The following PPP1R10 variants were observed in gnomAD, a reference collection of about 807,000 sequenced individuals.
The protein encoded by PPP1R10 is protein phosphatase 1 regulatory subunit 10, also known as serine/threonine-protein phosphatase 1 regulatory subunit 10.
Under a neutral mutation model 99.0 loss-of-function variants are expected in PPP1R10, and 15 were observed. That is an observed-to-expected ratio of 0.15 (90% CI 0.10 to 0.23). The LOEUF is 0.23. Ranked by LOEUF, PPP1R10 falls within the 10% of genes least tolerant of loss-of-function variation. PPP1R10 has a pLI of 1.00. For missense variants in PPP1R10, 947 were observed against 1,259.4 expected, an observed-to-expected ratio of 0.75 and a Z score of 3.75; for synonymous variants, 430 against 449.5, an observed-to-expected ratio of 0.96 and a Z score of 0.55.
In PPP1R10 at chr6:30,603,637, A is replaced by T; in HGVS notation, c.1602T>A (p.Val534=). ...CTGACCCCCCAGGTTCCAGAGTCTCAACATACGGAGTCTCATCCATGGAAC... is the reference window on the plus strand; with the variant it reads ...CTGACCCCCCAGGTTCCAGAGTCTCTACATACGGAGTCTCATCCATGGAAC... ...EECSMDETPY[V]ETLEPGGSGG... The change falls in exon 16 of 20, where the codon GTT becomes GTA. Residue 534 remains valine (V), a synonymous_variant. Transcript: ENST00000376511. 6.2e-7 allele frequency: 1 copy of T among 1,610,724 alleles called. No homozygotes were observed. Among genetic ancestry groups the T allele is most frequent in the Non-Finnish European group, 8.5e-7 (1 of 1,178,886 alleles).
intron 2 of PPP1R10, among the ~76,000 whole-genome samples, chr6:30,613,729 C>A (rs1159991963): frequency 6.6e-6 from 1 of 152,192 alleles, no homozygotes; most frequent in Non-Finnish European, 1.5e-5. Context: ...GTAGACCTGG[C>A]TTCCCATCTC....
chr6:30,602,371 C>T lies in PPP1R10; in HGVS notation c.2278G>A (p.Gly760Ser), dbSNP rs1289237625. 1.9e-6 allele frequency: 3 copies of T among 1,612,768 alleles called. No individual in the cohort carries two copies. The highest frequency in any genetic ancestry group is 2.5e-6 in the Non-Finnish European group (3 of 1,179,888). Residue 760 changes from glycine (G) to serine (S), a missense_variant, in exon 19 of 20, where the codon GGC (glycine) becomes AGC (serine). Gly to Ser is a moderately conservative substitution (Grantham distance 56). Around this residue, in one of 10 missense-constraint regions of PPP1R10, gnomAD observed 525 missense variants for 578.8 expected, o/e 0.91. Transcript: ENST00000376511. The surrounding 1 kb of genome is among the most constrained non-coding windows in gnomAD (Gnocchi z 6.7). ...GHRPHEGPGG[G>S]MGNSSGHRPH... ...CGATGTCCACTGCTGTTGCCCATGC[C>T]CCCACCAGGGCCTTCGTGAGGACGA...
In PPP1R10 at chr6:30,600,651, G is replaced by C. The variant is rs1370861884; in HGVS notation, c.*898C>G. 1 of 152,708 alleles carries C rather than the reference G, an allele frequency of 6.5e-6. No homozygotes were observed. The highest frequency in any genetic ancestry group is 2.1e-4 in the South Asian group (1 of 4,824). The allele number at this position is 152,708 out of a possible 1,614,324, so 9.5% of individuals were successfully genotyped here. A position where few individuals can be genotyped will look rare whatever the true frequency, so the allele number is the denominator to read the frequency against. Reference sequence around the variant, plus strand: ...GGGATTCAGAGGTGGTTGACAGGGTGAAGTACCTGGAAGCCTCCTTCACGC... The same window carrying C: ...GGGATTCAGAGGTGGTTGACAGGGTCAAGTACCTGGAAGCCTCCTTCACGC... On this transcript the variant is annotated 3_prime_UTR_variant, in exon 20 of 20. Transcript: ENST00000376511.
intron 19 of PPP1R10, 118 bp from the exon 20 acceptor site, chr6:30,601,776 G>C (rs1024758446): frequency 4.7e-5 from 62 of 1,328,438 alleles, no homozygotes; most frequent in Non-Finnish European, 6.1e-5. Flanking sequence ...TGGGGATTTG[G>C]GGGAAGGGCA....
intron 6 of PPP1R10, 30 bp downstream of exon 6, chr6:30,607,810 G>A: frequency 6.3e-7 from 1 of 1,598,528 alleles, no homozygotes; most frequent in Non-Finnish European, 8.6e-7. Flanking sequence ...ATAGAGAAAA[G>A]CCCATGAGAG....
At position 30,602,354 on chromosome 6, in the gene PPP1R10, ACTG is replaced by A; in HGVS notation, c.2292_2294del (p.Ser765del). ...CAGGGCCTTCGTGGGGACGATGTCC[ACTG>A]CTGTTGCCCATGCCCCCACCAGGGC... is the stretch of plus-strand genomic sequence containing the variant. On this transcript the variant is annotated inframe_deletion, in exon 19 of 20. Coordinates refer to ENST00000376511, the MANE Select transcript of PPP1R10 (RefSeq NM_002714.4). This position sits in a 1 kb window ranked among gnomAD's most constrained non-coding sequence, Gnocchi z 6.7. The A allele has an allele frequency of 2.5e-6, 4 of 1,612,300 alleles. No homozygotes were observed. The highest frequency in any genetic ancestry group is 3.4e-6 in the Non-Finnish European group (4 of 1,179,762).
At position 30,606,320 on chromosome 6, in the gene PPP1R10, A is replaced by G. The variant is rs1349714111; in HGVS notation, c.635-77T>C. 7.6e-6 allele frequency: 12 copies of G among 1,577,662 alleles called. No individual in the cohort carries two copies. Among genetic ancestry groups the G allele is most frequent in the South Asian group, 1.1e-5 (1 of 89,060 alleles). On this transcript the variant is annotated intron_variant, in intron 8 of 19. Transcript: ENST00000376511. This position sits in a 1 kb window ranked among gnomAD's most constrained non-coding sequence, Gnocchi z 6.3. ...AATTTTCCTCCCGTTCTCACCCGCA[A>G]ATGTTCTTCTAGCCTTGTAACCAAA...
rs747277207 is a variant in PPP1R10, at chr6:30,602,321, GCCA to G, written c.2325_2327del (p.Gly776del). On this transcript the variant is annotated inframe_deletion, in exon 19 of 20. Coordinates refer to ENST00000376511, the MANE Select transcript of PPP1R10 (RefSeq NM_002714.4). The surrounding 1 kb of genome is among the most constrained non-coding windows in gnomAD (Gnocchi z 6.7). ...CATGGGGGCGATGCCCACTTCCCAT[GCCA>G]CCGCCAGGGCCTTCGTGGGGACGAT... is the stretch of plus-strand genomic sequence containing the variant. The G allele has an allele frequency of 1.9e-6, 3 of 1,610,674 alleles. No homozygotes were observed. Among genetic ancestry groups the G allele is most frequent in the Non-Finnish European group, 1.7e-6 (2 of 1,179,284 alleles).
Position 30,604,415 on chromosome 6 carries a change from G to C in PPP1R10, c.1199C>G (p.Thr400Arg). The C allele has an allele frequency of 1.2e-6, 2 of 1,613,696 alleles. No individual in the cohort carries two copies. The highest frequency in any genetic ancestry group is 1.7e-6 in the Non-Finnish European group (2 of 1,180,024). ...TRKGRKRKSV[T>R]WPEEGKLREY... The stretch of plus-strand genomic sequence containing the variant: ...TCTCAGTTTGCCTTCCTCAGGCCAT[G>C]TCACACTTTTCCTCTTCCTGCCTTT... The change falls in exon 13 of 20, where the codon ACA (threonine) becomes AGA (arginine). Residue 400 changes from threonine to arginine, a missense_variant. By Grantham distance (71) the Thr-to-Arg change is moderately conservative. This residue lies in a region of PPP1R10 where 100 missense variants were observed against 105.8 expected (regional missense o/e 0.94). Coordinates refer to ENST00000376511, the MANE Select transcript of PPP1R10 (RefSeq NM_002714.4). The surrounding 1 kb of genome is among the most constrained non-coding windows in gnomAD (Gnocchi z 7.3).
intron 10 of PPP1R10, among the ~76,000 whole-genome samples, chr6:30,605,338 G>A (rs964673896): frequency 1.3e-5 from 2 of 152,082 alleles, no homozygotes; most frequent in Non-Finnish European, 2.9e-5. Flanking sequence ...GGTAGCTGAC[G>A]AAGTGAGCCC....
Position 30,606,506 on chromosome 6 carries a change from C to A in PPP1R10, c.596G>T (p.Arg199Leu). Residue 199 changes from arginine (R) to leucine (L), a missense_variant, in exon 8 of 20, where the codon CGC (arginine) becomes CTC (leucine). Coordinates refer to ENST00000376511, the MANE Select transcript of PPP1R10 (RefSeq NM_002714.4). This position sits in a 1 kb window ranked among gnomAD's most constrained non-coding sequence, Gnocchi z 6.3. ...EKKREKPKSL[R>L]TTAPSHAKFR... is the part of the protein sequence containing the mutation. ...CTTGGCATGACTGGGTGCTGTGGTGCGAAGAGACTTGGGCTTCTCCCTCTT... is the reference window on the plus strand; with the variant it reads ...CTTGGCATGACTGGGTGCTGTGGTGAGAAGAGACTTGGGCTTCTCCCTCTT... 6.2e-7 allele frequency: 1 copy of A among 1,613,566 alleles called. No individual in the cohort carries two copies. Among genetic ancestry groups the A allele is most frequent in the Non-Finnish European group, 8.5e-7 (1 of 1,180,020 alleles).
Position 30,609,261 on chromosome 6 carries a change from T to A in PPP1R10, c.108-98A>T. 8.9e-7 allele frequency: 1 copy of A among 1,129,406 alleles called. No individual in the cohort carries two copies. Among genetic ancestry groups the A allele is most frequent in the Non-Finnish European group, 1.3e-6 (1 of 761,524 alleles). The allele number at this position is 1,129,406 out of a possible 1,614,324, so 70.0% of individuals were successfully genotyped here. ...AACTGCCTAGAGATTCCTAATGACT[T>A]GGGACTTTGCTCCAGAGAAGGGGAG... On this transcript the variant is annotated intron_variant, in intron 3 of 19. Coordinates refer to ENST00000376511, the MANE Select transcript of PPP1R10 (RefSeq NM_002714.4). This position sits in a 1 kb window ranked among gnomAD's most constrained non-coding sequence, Gnocchi z 4.5.
intron 6 of PPP1R10, among the ~76,000 whole-genome samples, chr6:30,607,155 G>A (rs1419678178): frequency 1.3e-5 from 2 of 152,134 alleles, no homozygotes; most frequent in Admixed American, 6.5e-5. Flanking sequence ...AAGACTACAC[G>A]TTGGGTGCAG....
intron 5 of PPP1R10, among the ~76,000 whole-genome samples, chr6:30,608,378 A>T (rs58525263): frequency 0.044 from 6,648 of 150,262 alleles, 270 homozygotes; most frequent in African/African-American, 0.11. Context: ...CTCGGCTCAC[A>T]ATAACCTCCA....
rs554755706 is a variant in PPP1R10, at chr6:30,602,175, G to A, written c.2474C>T (p.Ala825Val). ...PHEGPGGGMG[A>V]GGGHRPHEGP... is the part of the protein sequence containing the mutation. ...TTCGTGGGGGCGATGTCCACCACCG[G>A]CACCCATTCCTCCGCCAGGGCCTTC... Residue 825 changes from alanine to valine, a missense_variant, in exon 19 of 20, where the codon GCC becomes GTC. By Grantham distance (64) the Ala-to-Val change is moderately conservative (BLOSUM62 0). Coordinates refer to ENST00000376511, the MANE Select transcript of PPP1R10 (RefSeq NM_002714.4). This position sits in a 1 kb window ranked among gnomAD's most constrained non-coding sequence, Gnocchi z 6.7. 2.5e-6 allele frequency: 4 copies of A among 1,597,728 alleles called. No homozygotes were observed. The South Asian group carries it at 3.3e-5, about 13-fold the overall frequency.
rs752390341 is a variant in PPP1R10 at position 30,609,895 on chromosome 6, C to T, written c.50G>A (p.Ser17Asn). ...GACTTCCCCATCTCGGTTAAGGAAG[C>T]TGTCCAGGCCCTTGAGAAGTTCTTT... is the stretch of plus-strand genomic sequence containing the variant. The part of the protein sequence containing the change: ...DPKELLKGLD[S>N]FLNRDGEVKS... The change falls in exon 3 of 20, where the codon AGC becomes AAC. Residue 17 changes from serine (S) to asparagine (N), a missense_variant. Physicochemically the swap from Ser to Asn is conservative, Grantham distance 46 (BLOSUM62 1). Coordinates refer to ENST00000376511, the MANE Select transcript of PPP1R10 (RefSeq NM_002714.4). The surrounding 1 kb of genome is among the most constrained non-coding windows in gnomAD (Gnocchi z 4.5). 6.8e-6 allele frequency: 11 copies of T among 1,614,178 alleles called. No individual in the cohort carries two copies. In the South Asian group the frequency reaches 1.1e-4, roughly 16 times the overall value.
intron 2 of PPP1R10, chr6:30,614,569 A>T (rs1229581529): frequency 6.6e-6 from 1 of 152,206 alleles, no homozygotes; most frequent in Non-Finnish European, 1.5e-5. Flanking sequence ...TTCTCATTAC[A>T]CAAAGCGACC....
At position 30,602,357 on chromosome 6, in the gene PPP1R10, G is replaced by A; in HGVS notation, c.2292C>T (p.Ser764=). The part of the protein sequence containing the change: ...HEGPGGGMGN[S]SGHRPHEGPG... ...GGCCTTCGTGGGGACGATGTCCACT[G>A]CTGTTGCCCATGCCCCCACCAGGGC... Residue 764 remains serine (S), a synonymous_variant, in exon 19 of 20, where the codon AGC becomes AGT. Transcript: ENST00000376511. The surrounding 1 kb of genome is among the most constrained non-coding windows in gnomAD (Gnocchi z 6.7). 6.2e-7 allele frequency: 1 copy of A among 1,612,158 alleles called. No homozygotes were observed. Among genetic ancestry groups the A allele is most frequent in the Non-Finnish European group, 8.5e-7 (1 of 1,179,722 alleles).
Position 30,602,355 on chromosome 6 carries a change from C to T in PPP1R10, c.2294G>A (p.Ser765Asn). 1 of 1,612,846 alleles carries T rather than the reference C, an allele frequency of 6.2e-7. No homozygotes were observed. The highest frequency in any genetic ancestry group is 8.5e-7 in the Non-Finnish European group (1 of 1,179,926). Residue 765 changes from serine (S) to asparagine (N), a missense_variant, in exon 19 of 20, where the codon AGT becomes AAT. Transcript: ENST00000376511. The surrounding 1 kb of genome is among the most constrained non-coding windows in gnomAD (Gnocchi z 6.7). ...EGPGGGMGNS[S>N]GHRPHEGPGG... ...AGGGCCTTCGTGGGGACGATGTCCA[C>T]TGCTGTTGCCCATGCCCCCACCAGG...
Sources: allele counts gnomAD v4.1 joint callset (sites outside exome capture counted in the v4.1 genomes callset), GRCh38; gene constraint gnomAD v4.1.1; regional missense constraint gnomAD v4.1.1; non-coding constraint Gnocchi (gnomAD v3.1); transcripts MANE v1.5; gene names NCBI Gene and HGNC (gene_info 2026-07-23, HGNC 2026-07-21).